The following NUP98 variants were observed in gnomAD, a reference collection of about 807,000 sequenced individuals.
NUP98 encodes nucleoporin 98 and 96 precursor.
Under a neutral mutation model 191.9 loss-of-function variants are expected in NUP98, and 26 were observed. That is an observed-to-expected ratio of 0.14 (90% CI 0.10 to 0.19). The LOEUF (loss-of-function observed/expected upper bound fraction) is 0.19, where lower values mean the gene tolerates loss of function less well. Among genes scored for constraint, NUP98 ranks in the 10% least tolerant of loss-of-function variants. The pLI, the probability that NUP98 is intolerant of heterozygous loss-of-function variation, is 1.00. For missense variants in NUP98, 1,941 were observed against 2,178.8 expected (o/e 0.89, Z 2.17); for synonymous variants, 808 against 778.4 (o/e 1.04, Z -0.63).
In NUP98 at chr11:3,720,775, G is replaced by A; in HGVS notation, c.2197C>T (p.Leu733Phe). Residue 733 changes from leucine (L) to phenylalanine (F), a missense_variant, in exon 17 of 33, where the codon CTT (leucine) becomes TTT (phenylalanine). This residue lies in a region of NUP98 where 453 missense variants were observed against 438.2 expected (regional missense o/e 1.03). Transcript: ENST00000324932. Reference protein sequence around the residue: ...GYYTIPSMDDLAKITNEKGEC... With the variant: ...GYYTIPSMDDFAKITNEKGEC... Reference sequence around the variant, plus strand: ...CCTTTTTCATTGGTAATTTTAGCAAGGTCATCCATAGATGGAATAGTATAG... The same window carrying A: ...CCTTTTTCATTGGTAATTTTAGCAAAGTCATCCATAGATGGAATAGTATAG... The A allele has an allele frequency of 6.3e-7, 1 of 1,584,846 alleles. No individual in the cohort carries two copies. Among genetic ancestry groups the A allele is most frequent in the South Asian group, 1.1e-5 (1 of 90,454 alleles).
intron 28 of NUP98, among the ~76,000 whole-genome samples, chr11:3,686,948 C>T (rs1181829592): frequency 6.6e-6 from 1 of 152,132 alleles, no homozygotes; most frequent in East Asian, 1.9e-4. Context: ...GATCATACCA[C>T]TGCACTCTGA....
At chr11:3,728,653 G>A (rs2079714458) in intron 14 of NUP98, among the ~76,000 whole-genome samples, 1 of 152,080 alleles carries the variant, frequency 6.6e-6, no homozygotes, top group African/African-American at 2.4e-5. Context: ...GCAGGAGAGT[G>A]GAGTGAACCC....
chr11:3,739,872 T>A (rs1453757266), intron 12 of NUP98, among the ~76,000 whole-genome samples: 2 of 152,170 alleles, frequency 1.3e-5, no homozygotes, highest in Non-Finnish European at 2.9e-5. Context: ...GTGGATTTCC[T>A]CCTCTGCCAC....
At chr11:3,790,947 G>A (rs964024810) in intron 1 of NUP98, among the ~76,000 whole-genome samples, 5 of 151,290 alleles carry the variant, frequency 3.3e-5, no homozygotes, top group Admixed American at 3.3e-4. Flanking sequence ...CCAGGCTGGA[G>A]TGAAGTGACG....
At chr11:3,714,860 A>G (rs1056340149) in intron 18 of NUP98, 2 of 152,312 alleles carry the variant, frequency 1.3e-5, no homozygotes, top group African/African-American at 4.8e-5. Context: ...GTTTTATTGC[A>G]TGTATATACC....
chr11:3,735,834 T>C (rs1282566408), intron 12 of NUP98, among the ~76,000 whole-genome samples: 1 of 128,232 alleles, frequency 7.8e-6, no homozygotes, highest in African/African-American at 2.7e-5. Flanking sequence ...GGGCAAATAC[T>C]GTGTGTGTGT....
At chr11:3,755,254 A>C (rs1444681500) in intron 10 of NUP98, among the ~76,000 whole-genome samples, 2 of 151,596 alleles carry the variant, frequency 1.3e-5, no homozygotes, top group Non-Finnish European at 2.9e-5. Flanking sequence ...AAAGGAGTTT[A>C]AGACTAGCCT....
chr11:3,755,579 G>GT (rs1412435833), intron 10 of NUP98, among the ~76,000 whole-genome samples: 3 of 152,160 alleles, frequency 2.0e-5, no homozygotes, highest in African/African-American at 7.2e-5. Flanking sequence ...TGTTGTGCCA[G>GT]TATTTGGATT....
At chr11:3,683,014 T>A (rs1335129688) in intron 30 of NUP98, among the ~76,000 whole-genome samples, 186 bp downstream of exon 30, 2 of 152,214 alleles carry the variant, frequency 1.3e-5, no homozygotes, top group African/African-American at 4.8e-5. Flanking sequence ...TATTGCTATC[T>A]ACCCCTGCTC....
At chr11:3,760,411 A>G (rs1169144343) in intron 10 of NUP98, 128 bp downstream of exon 10, 1 of 1,371,036 alleles carries the variant, frequency 7.3e-7, no homozygotes, top group East Asian at 2.3e-5. Context: ...AATATTTCCA[A>G]TCATACGAAT....
chr11:3,693,204 TTTGC>T, intron 27 of NUP98, 24 bp downstream of exon 27: 2 of 1,611,056 alleles, frequency 1.2e-6, no homozygotes, highest in Non-Finnish European at 1.7e-6. Flanking sequence ...CAGCAAGATT[TTTGC>T]TTGGCTCTAT....
In NUP98 at chr11:3,774,327, G is replaced by A. The variant is rs573902677; in HGVS notation, c.496-588C>T. ...CTCAGGAGGCTGAGGCAGGAGAATC[G>A]CTTGAATCCGAGAAGCGGAGGTTGC... On this transcript the variant is annotated intron_variant, in intron 5 of 32. Coordinates refer to ENST00000324932, the MANE Select transcript of NUP98 (RefSeq NM_016320.5). Among the ~76,000 whole-genome samples, 702 of 152,314 alleles carry A rather than the reference G, an allele frequency of 4.6e-3. 8 individuals are homozygous for A. The highest frequency in any genetic ancestry group is 0.014 in the African/African-American group (599 of 41,562).
intron 17 of NUP98, among the ~76,000 whole-genome samples, chr11:3,720,038 G>C (rs1260719344): frequency 6.6e-6 from 1 of 152,110 alleles, no homozygotes; most frequent in African/African-American, 2.4e-5. Context: ...TAGAATTACA[G>C]GTGTGAGTCA....
intron 18 of NUP98, among the ~76,000 whole-genome samples, chr11:3,714,319 T>A (rs968850914): frequency 7.9e-5 from 12 of 152,208 alleles, no homozygotes; most frequent in Non-Finnish European, 1.5e-4. Context: ...ACGAACCAAG[T>A]CTTATGCAGG....
At chr11:3,724,222 A>C (rs1589812322) in intron 15 of NUP98, among the ~76,000 whole-genome samples, 1 of 151,896 alleles carries the variant, frequency 6.6e-6, no homozygotes, top group South Asian at 2.1e-4. Context: ...GCTTGAGGTC[A>C]GGAGTTCAAG....
At chr11:3,784,579 T>TAAAAAAAAAA (rs61334985) in intron 1 of NUP98, among the ~76,000 whole-genome samples, 1 of 89,322 alleles carries the variant, frequency 1.1e-5, no homozygotes, top group Non-Finnish European at 2.4e-5. Flanking sequence ...CTGTCTCTAT[T>TAAAAAAAAAA]AAAAACAAAA....
intron 28 of NUP98, among the ~76,000 whole-genome samples, chr11:3,688,314 G>C (rs2078190701): frequency 6.6e-6 from 1 of 152,126 alleles, no homozygotes; most frequent in Non-Finnish European, 1.5e-5. Flanking sequence ...GCTGAGGCAG[G>C]AGAATGGTGT....
chr11:3,675,464 CCA>C lies in NUP98; in HGVS notation c.*693_*694del. Reference sequence around the variant, plus strand: ...GACCAAACCAAACTCTGGGAGCTTCCCACAGACATGTCACATGTGACCAAGGG... The same window carrying C: ...GACCAAACCAAACTCTGGGAGCTTCCCAGACATGTCACATGTGACCAAGGG... On this transcript the variant is annotated 3_prime_UTR_variant, in exon 33 of 33. Transcript: ENST00000324932. 1 of 227,932 alleles carries C rather than the reference CCA, an allele frequency of 4.4e-6. No homozygotes were observed. Among genetic ancestry groups the C allele is most frequent in the Non-Finnish European group, 8.7e-6 (1 of 114,730 alleles). The allele number at this position is 227,932 out of a possible 1,614,324, so 14.1% of individuals were successfully genotyped here. A position where few individuals can be genotyped will look rare whatever the true frequency, so the allele number is the denominator to read the frequency against.
At chr11:3,746,762 A>C (rs2080517613) in intron 11 of NUP98, among the ~76,000 whole-genome samples, 1 of 151,722 alleles carries the variant, frequency 6.6e-6, no homozygotes, top group African/African-American at 2.4e-5. Flanking sequence ...AAAATACAAA[A>C]TTAGCTGGTC....
Sources: allele counts gnomAD v4.1 joint callset (sites outside exome capture counted in the v4.1 genomes callset), GRCh38; gene constraint gnomAD v4.1.1; regional missense constraint gnomAD v4.1.1; transcripts MANE v1.5; gene names NCBI Gene and HGNC (gene_info 2026-07-23, HGNC 2026-07-21).